CELSR1: variants seen among roughly 807,000 people sequenced by gnomAD.
CELSR1 encodes the protein cadherin EGF LAG seven-pass G-type receptor 1.
In CELSR1, 110 loss-of-function variants were observed where a neutral mutation model predicts 249.1. The ratio of observed to expected loss-of-function variants is 0.44; its 90% CI spans 0.38 to 0.52. The LOEUF (loss-of-function observed/expected upper bound fraction) is 0.52, where lower values mean the gene tolerates loss of function less well. Among genes scored for constraint, CELSR1 ranks in the 20% least tolerant of loss-of-function variants. The pLI, the probability that CELSR1 is intolerant of heterozygous loss-of-function variation, is 0.00. For missense variants in CELSR1, 4,109 were observed against 4,296.4 expected (o/e 0.96, Z 1.22); for synonymous variants, 2,113 against 1,900.0 (o/e 1.11, Z -2.92).
intron 2 of CELSR1, among the ~76,000 whole-genome samples, chr22:46,444,625 G>C (rs1363507967): frequency 6.6e-6 from 1 of 152,148 alleles, no homozygotes; most frequent in Non-Finnish European, 1.5e-5. Context: ...CTTTTTGTTT[G>C]TTTTCATTTT....
intron 14 of CELSR1, among the ~76,000 whole-genome samples, chr22:46,392,247 A>G (rs2079101572): frequency 6.6e-6 from 1 of 152,242 alleles, no homozygotes; most frequent in Non-Finnish European, 1.5e-5. Context: ...GGGTTCAGAA[A>G]GTCCTGGGTT....
intron 25 of CELSR1, among the ~76,000 whole-genome samples, chr22:46,371,939 AC>A (rs2078856738): frequency 7.5e-6 from 1 of 133,876 alleles, no homozygotes; most frequent in African/African-American, 2.9e-5. Context: ...CTGCTCACTC[AC>A]TCAGCCCTTC....
At position 46,374,397 on chromosome 22, in the gene CELSR1, T is replaced by C. The variant is rs961348699; in HGVS notation, c.7585-1340A>G. Among the ~76,000 whole-genome samples the C allele has an allele frequency of 6.6e-6, 1 of 152,034 alleles. No homozygotes were observed. Among genetic ancestry groups the C allele is most frequent in the East Asian group, 1.9e-4 (1 of 5,190 alleles). ...ACCAATGTACCACCTTTTCCAGAAA[T>C]AGAACAAAGACAAAAGCGGATGCAT... On this transcript the variant is annotated intron_variant, in intron 24 of 34. Coordinates refer to ENST00000674500, the MANE Select transcript of CELSR1 (RefSeq NM_001378328.1). This position sits in a 1 kb window ranked among gnomAD's most constrained non-coding sequence, Gnocchi z 4.3.
intron 1 of CELSR1, among the ~76,000 whole-genome samples, chr22:46,494,062 C>T (rs187334720): frequency 6.6e-6 from 1 of 152,196 alleles, no homozygotes. Context: ...GACACACAAT[C>T]TACCCTCGCG....
rs562506617 is a variant in CELSR1, at chr22:46,474,512, T to C, written c.3545-10167A>G. ...GATGCCTGGTCCTGACCCCTAGACA[T>C]TGTGTAAAACTCAAATAAGTGTATT... On this transcript the variant is annotated intron_variant, in intron 1 of 34. Transcript: ENST00000674500. Among the ~76,000 whole-genome samples the C allele has an allele frequency of 1.0e-3, 154 of 152,224 alleles. 1 individual carries two copies. The highest frequency in any genetic ancestry group is 3.5e-3 in the African/African-American group (145 of 41,550).
Position 46,373,070 on chromosome 22 carries a change from G to A in CELSR1, c.7585-13C>T, listed in dbSNP as rs760682724. The A allele has an allele frequency of 8.2e-6, 13 of 1,579,226 alleles. No individual in the cohort carries two copies. Among genetic ancestry groups the A allele is most frequent in the Non-Finnish European group, 1.1e-5 (13 of 1,160,378 alleles). Reference sequence around the variant, plus strand: ...CTGTGCACAGAAACTGCGCAGGGAGGGGCCGCTCAGCAAGGGCCCCTGCAT... The same window carrying A: ...CTGTGCACAGAAACTGCGCAGGGAGAGGCCGCTCAGCAAGGGCCCCTGCAT... On this transcript the variant is annotated splice_polypyrimidine_tract_variant and intron_variant, in intron 24 of 34. Coordinates refer to ENST00000674500, the MANE Select transcript of CELSR1 (RefSeq NM_001378328.1).
intron 26 of CELSR1, 104 bp downstream of exon 26, chr22:46,369,588 C>A (rs1481042252): frequency 9.8e-7 from 1 of 1,020,428 alleles, no homozygotes; most frequent in Non-Finnish European, 1.5e-6. Flanking sequence ...TCCTGCCCCC[C>A]GTCGGCTGCT....
At chr22:46,499,403 T>C (rs369218584) in intron 1 of CELSR1, among the ~76,000 whole-genome samples, 32 of 152,070 alleles carry the variant, frequency 2.1e-4, no homozygotes, top group African/African-American at 6.8e-4. Context: ...ACCCATCAGA[T>C]TGGCAAAAAT....
chr22:46,364,077 C>T lies in CELSR1; in HGVS notation c.8954G>A (p.Arg2985Lys). Residue 2985 changes from arginine (R) to lysine (K), a missense_variant, in exon 34 of 35, where the codon AGG (arginine) becomes AAG (lysine). Transcript: ENST00000674500. Reference protein sequence around the residue: ...DCAITVKSPGREPGRDHLNGV... With the variant: ...DCAITVKSPGKEPGRDHLNGV... ...GTTGAGGTGGTCACGCCCCGGCTCC[C>T]TCCCAGGGCTCTTGACTGTGATGGC... 3.1e-6 allele frequency: 5 copies of T among 1,612,376 alleles called. No homozygotes were observed. The highest frequency in any genetic ancestry group is 4.2e-6 in the Non-Finnish European group (5 of 1,179,678).
chr22:46,537,384 T>C lies in CELSR1; in HGVS notation c.-214A>G, dbSNP rs2080870613. Among the ~76,000 whole-genome samples the C allele has an allele frequency of 6.8e-6, 1 of 147,594 alleles. No homozygotes were observed. Among genetic ancestry groups the C allele is most frequent in the Middle Eastern group, 3.7e-3 (1 of 272 alleles). On this transcript the variant is annotated 5_prime_UTR_variant, in exon 1 of 35. Coordinates refer to ENST00000674500, the MANE Select transcript of CELSR1 (RefSeq NM_001378328.1). The surrounding 1 kb of genome is among the most constrained non-coding windows in gnomAD (Gnocchi z 5.8). ...CACTTCGAGAGCACTTTGCGAAAGT[T>C]TGCGAAGTTGGTTTCAAGATGGCTC...
In CELSR1 at chr22:46,512,884, C is replaced by G. The variant is rs1258155500; in HGVS notation, c.3544+20743G>C. Among the ~76,000 whole-genome samples, 1 of 152,250 alleles carries G rather than the reference C, an allele frequency of 6.6e-6. No homozygotes were observed. Among genetic ancestry groups the G allele is most frequent in the Non-Finnish European group, 1.5e-5 (1 of 68,042 alleles). ...TTGTCCCCCACAGCACCTGGCTGTC[C>G]TCTGCTCCTGAGTGCTGCCCCGGGT... On this transcript the variant is annotated intron_variant, in intron 1 of 34. Transcript: ENST00000674500. This position sits in a 1 kb window ranked among gnomAD's most constrained non-coding sequence, Gnocchi z 5.2.
chr22:46,386,544 G>C lies in CELSR1; in HGVS notation c.6597C>G (p.Thr2199=). 1 of 1,598,400 alleles carries C rather than the reference G, an allele frequency of 6.3e-7. No homozygotes were observed. Among genetic ancestry groups the C allele is most frequent in the Admixed American group, 1.7e-5 (1 of 58,146 alleles). Residue 2199 remains threonine, a synonymous_variant, in exon 19 of 35, where the codon ACC becomes ACG. Transcript: ENST00000674500. ...HSGSALLAPA[T]RAAWEQIQRS... Reference sequence around the variant, plus strand: ...GCTGGATCTGCTCCCACGCCGCCCTGGTGGCTGGGGCCAGGAGGGCGCTGC... The same window carrying C: ...GCTGGATCTGCTCCCACGCCGCCCTCGTGGCTGGGGCCAGGAGGGCGCTGC...
chr22:46,491,298 C>G (rs1236222111), intron 1 of CELSR1, among the ~76,000 whole-genome samples: 2 of 140,550 alleles, frequency 1.4e-5, no homozygotes, highest in Non-Finnish European at 1.5e-5. Context: ...GAGTCTAGCT[C>G]TGTCGCCCAG....
intron 18 of CELSR1, among the ~76,000 whole-genome samples, chr22:46,388,596 G>C (rs1194441368): frequency 6.6e-6 from 1 of 152,160 alleles, no homozygotes; most frequent in Non-Finnish European, 1.5e-5. Flanking sequence ...GGGACAGGGT[G>C]TCCCCCATGG....
intron 2 of CELSR1, among the ~76,000 whole-genome samples, chr22:46,449,251 T>C (rs1011536005): frequency 1.3e-5 from 2 of 150,718 alleles, no homozygotes; most frequent in Non-Finnish European, 3.0e-5. Flanking sequence ...CAACAACCCA[T>C]CATGCATCAA....
In CELSR1 at chr22:46,393,688, A is replaced by G. The variant is rs370037014; in HGVS notation, c.5964+454T>C. 5.0e-4 allele frequency among the ~76,000 whole-genome samples: 75 copies of G among 151,486 alleles called. 1 individual carries two copies. In the South Asian group the frequency reaches 0.015, roughly 30 times the overall value. On this transcript the variant is annotated intron_variant, in intron 14 of 34. Transcript: ENST00000674500. This position sits in a 1 kb window ranked among gnomAD's most constrained non-coding sequence, Gnocchi z 4.1. ...GGGAGGCGGAGGCTGCAGTGAGCCG[A>G]GATCGCACCACTGCACTCCAGCCTG...
chr22:46,522,297 T>C (rs1044552872), intron 1 of CELSR1, among the ~76,000 whole-genome samples: 1 of 152,156 alleles, frequency 6.6e-6, no homozygotes, highest in Non-Finnish European at 1.5e-5. Context: ...AGCTAATTTT[T>C]TTATATTTTG....
chr22:46,473,954 G>A lies in CELSR1; in HGVS notation c.3545-9609C>T, dbSNP rs1040040523. Among the ~76,000 whole-genome samples the A allele has an allele frequency of 6.6e-6, 1 of 152,144 alleles. No homozygotes were observed. The highest frequency in any genetic ancestry group is 1.5e-5 in the Non-Finnish European group (1 of 68,022). On this transcript the variant is annotated intron_variant, in intron 1 of 34. Coordinates refer to ENST00000674500, the MANE Select transcript of CELSR1 (RefSeq NM_001378328.1). The surrounding 1 kb of genome is among the most constrained non-coding windows in gnomAD (Gnocchi z 6.6). ...CTGCGTCTCACGAATGCAGGTTCAC[G>A]TCACAGGAACAAGGGGACAAGCACT...
At position 46,443,670 on chromosome 22, in the gene CELSR1, C is replaced by CACAT. The variant is rs202173586; in HGVS notation, c.4184-4263_4184-4260dup. On this transcript the variant is annotated intron_variant, in intron 2 of 34. Coordinates refer to ENST00000674500, the MANE Select transcript of CELSR1 (RefSeq NM_001378328.1). ...GTCCATACACCTGTTCACACACACA[C>CACAT]ACATACATACACATGCGTTGACACA... 3.9e-5 allele frequency among the ~76,000 whole-genome samples: 6 copies of CACAT among 152,222 alleles called. No homozygotes were observed. In the East Asian group the frequency reaches 9.6e-4, roughly 24 times the overall value.
Sources: gnomAD v4.1 joint callset for allele counts (sites outside exome capture counted in the v4.1 genomes callset) on GRCh38, gnomAD v4.1.1 for gene constraint, Gnocchi (gnomAD v3.1) non-coding constraint, MANE v1.5 for transcripts, NCBI Gene and HGNC (gene_info 2026-07-23, HGNC 2026-07-21) for gene names.